Variants in XKR4 observed in about 807,000 individuals in gnomAD.
The protein encoded by XKR4 is XK-related protein 4.
In XKR4, 12 loss-of-function variants were observed where a neutral mutation model predicts 53.9. The ratio of observed to expected loss-of-function variants is 0.22; its 90% CI spans 0.14 to 0.36. XKR4 has a LOEUF of 0.36. Ranked by LOEUF, XKR4 falls within the 10% of genes least tolerant of loss-of-function variation. The pLI, the probability that XKR4 is intolerant of heterozygous loss-of-function variation, is 1.00. For missense variants in XKR4, 799 were observed against 859.5 expected (o/e 0.93, Z 0.88); for synonymous variants, 354 against 362.4 (o/e 0.98, Z 0.26).
chr8:55,491,347 C>T (rs1468843962), intron 2 of XKR4, among the ~76,000 whole-genome samples: 1 of 152,066 alleles, frequency 6.6e-6, no homozygotes, highest in Admixed American at 6.6e-5. Context: ...TCACATTTTT[C>T]TGTAGCTTTA....
intron 1 of XKR4, among the ~76,000 whole-genome samples, chr8:55,161,247 CG>C (rs2129357065): frequency 6.6e-6 from 1 of 152,296 alleles, no homozygotes; most frequent in East Asian, 1.9e-4. Context: ...GCAATAAAAC[CG>C]GAAGCTCTCC....
chr8:55,454,117 GA>G, intron 2 of XKR4: 1 of 840,918 alleles, frequency 1.2e-6, no homozygotes. Flanking sequence ...TGGGTGGAGG[GA>G]AGGCGAGGTC....
At chr8:55,168,251 G>A (rs1191009173) in intron 1 of XKR4, among the ~76,000 whole-genome samples, 1 of 152,158 alleles carries the variant, frequency 6.6e-6, no homozygotes, top group Non-Finnish European at 1.5e-5. Context: ...CTGAGTAGAA[G>A]AGCTGTTTCC....
chr8:55,304,975 A>G (rs1363678660), intron 1 of XKR4, among the ~76,000 whole-genome samples: 1 of 152,166 alleles, frequency 6.6e-6, no homozygotes, highest in Non-Finnish European at 1.5e-5. Flanking sequence ...CACTTGAAGA[A>G]AATAACTGAA....
At chr8:55,451,542 G>A (rs973892710) in intron 2 of XKR4, 5 of 1,051,862 alleles carry the variant, frequency 4.8e-6, no homozygotes, top group Admixed American at 2.3e-5. Flanking sequence ...CACCTATGCC[G>A]TACAGGCCCC....
Position 55,540,291 on chromosome 8 carries a change from T to C in XKR4, c.*16064T>C, listed in dbSNP as rs2129407728. The C allele has an allele frequency of 6.6e-6, 1 of 152,344 alleles. No homozygotes were observed. The highest frequency in any genetic ancestry group is 1.5e-5 in the Non-Finnish European group (1 of 68,032). The allele number at this position is 152,344 out of a possible 1,614,324, so 9.4% of individuals were successfully genotyped here. A position where few individuals can be genotyped will look rare whatever the true frequency, so the allele number is the denominator to read the frequency against. ...AACATTGTATTCCATGAACAAGTGATAGAAAACATATGGAAATTCTCTTTT... is the reference window on the plus strand; with the variant it reads ...AACATTGTATTCCATGAACAAGTGACAGAAAACATATGGAAATTCTCTTTT... On this transcript the variant is annotated 3_prime_UTR_variant, in exon 3 of 3. Coordinates refer to ENST00000327381, the MANE Select transcript of XKR4 (RefSeq NM_052898.2).
chr8:55,272,790 GTTAA>G (rs1192982063), intron 1 of XKR4: 2 of 383,360 alleles, frequency 5.2e-6, no homozygotes, highest in African/African-American at 4.2e-5. Flanking sequence ...GTGGCAAATA[GTTAA>G]TTAATTTATT....
intron 2 of XKR4, among the ~76,000 whole-genome samples, chr8:55,509,757 G>C (rs1013333551): frequency 6.6e-6 from 1 of 152,168 alleles, no homozygotes; most frequent in Non-Finnish European, 1.5e-5. Context: ...CAAAGTGCCA[G>C]CCATTTCATC....
At chr8:55,258,021 TG>T (rs1818465615) in intron 1 of XKR4, among the ~76,000 whole-genome samples, 2 of 152,348 alleles carry the variant, frequency 1.3e-5, no homozygotes, top group South Asian at 4.1e-4. Flanking sequence ...GCCCCAGTGC[TG>T]AGTCCTGAGC....
chr8:55,449,817 G>C (rs1233551082), intron 2 of XKR4: 11 of 1,199,416 alleles, frequency 9.2e-6, no homozygotes, highest in South Asian at 1.2e-5. Context: ...TTCTTGTACA[G>C]AGTGCCCTCG....
intron 1 of XKR4, among the ~76,000 whole-genome samples, chr8:55,313,033 T>C (rs1049699015): frequency 1.3e-5 from 2 of 152,214 alleles, no homozygotes; most frequent in Admixed American, 6.5e-5. Context: ...TCTGCTTCCT[T>C]TCTCTGGTTT....
At chr8:55,156,988 G>A (rs532409352) in intron 1 of XKR4, among the ~76,000 whole-genome samples, 4 of 152,212 alleles carry the variant, frequency 2.6e-5, no homozygotes, top group Non-Finnish European at 4.4e-5. Context: ...TTCTGATTTG[G>A]CGCTCAGTAA....
At chr8:55,494,158 G>A (rs1806308342) in intron 2 of XKR4, among the ~76,000 whole-genome samples, 1 of 152,262 alleles carries the variant, frequency 6.6e-6, no homozygotes, top group African/African-American at 2.4e-5. Flanking sequence ...TGCTGCTGCA[G>A]GGTGGGCAGC....
chr8:55,336,236 G>T (rs1269080183), intron 1 of XKR4, among the ~76,000 whole-genome samples: 2 of 151,784 alleles, frequency 1.3e-5, no homozygotes, highest in African/African-American at 4.8e-5. Flanking sequence ...ATAGTTAATG[G>T]GTCTCACAAG....
intron 2 of XKR4, 53 bp from the exon 3 acceptor site, chr8:55,523,228 G>T (rs1806825645): frequency 3.4e-6 from 5 of 1,479,592 alleles, no homozygotes; most frequent in African/African-American, 1.4e-5. Context: ...GACTTCCAGG[G>T]GGCATTGCTG....
chr8:55,214,132 G>A (rs1243999154), intron 1 of XKR4, among the ~76,000 whole-genome samples: 1 of 151,932 alleles, frequency 6.6e-6, no homozygotes, highest in Non-Finnish European at 1.5e-5. Flanking sequence ...AAAGTTGCCA[G>A]GATTGCAGGC....
At chr8:55,415,093 A>G (rs1643117373) in intron 2 of XKR4, among the ~76,000 whole-genome samples, 1 of 152,260 alleles carries the variant, frequency 6.6e-6, no homozygotes, top group African/African-American at 2.4e-5. Context: ...TACATCTTAC[A>G]TCACTAACAA....
chr8:55,462,097 A>C (rs1805667481), intron 2 of XKR4, among the ~76,000 whole-genome samples: 1 of 152,232 alleles, frequency 6.6e-6, no homozygotes, highest in South Asian at 2.1e-4. Flanking sequence ...AGGCAGGTCA[A>C]CATTCAAATT....
intron 1 of XKR4, among the ~76,000 whole-genome samples, chr8:55,203,143 A>T (rs143795653): frequency 1.2e-4 from 19 of 152,352 alleles, no homozygotes; most frequent in African/African-American, 4.1e-4. Flanking sequence ...TGTGCCCAGC[A>T]CAACTGGCAC....
Sources: allele counts gnomAD v4.1 joint callset (sites outside exome capture counted in the v4.1 genomes callset), GRCh38; gene constraint gnomAD v4.1.1; transcripts MANE v1.5; gene names NCBI Gene and HGNC (gene_info 2026-07-23, HGNC 2026-07-21).